SWAP70: variants seen among roughly 807,000 people sequenced by gnomAD.
The protein encoded by SWAP70 is switch-associated protein 70.
SWAP70 carries 34 observed loss-of-function variants against 80.2 expected under a neutral mutation model. That is an observed-to-expected ratio of 0.42 (90% CI 0.32 to 0.56). The LOEUF is 0.56. Among genes scored for constraint, SWAP70 ranks in the 20% least tolerant of loss-of-function variants. The probability of loss-of-function intolerance (pLI) is 0.09; values close to 1 mark genes in which losing one functional copy is unlikely to be tolerated. For synonymous variants in SWAP70, 239 were observed against 238.5 expected (o/e 1.00, Z -0.02); for missense variants, 578 against 690.7 (o/e 0.84, Z 1.83).
chr11:9,728,208 A>C lies in SWAP70; in HGVS notation c.789+9A>C. 1 of 1,587,142 alleles carries C rather than the reference A, an allele frequency of 6.3e-7. No homozygotes were observed. The highest frequency in any genetic ancestry group is 8.5e-7 in the Non-Finnish European group (1 of 1,170,400). On this transcript the variant is annotated intron_variant, in intron 5 of 11. Coordinates refer to ENST00000318950, the MANE Select transcript of SWAP70 (RefSeq NM_015055.4). Reference sequence around the variant, plus strand: ...AAAATTGCTGTGTAGAGGTGAGTCTACTCTTACTTCTTTGCATGATTACCC... The same window carrying C: ...AAAATTGCTGTGTAGAGGTGAGTCTCCTCTTACTTCTTTGCATGATTACCC...
chr11:9,690,313 C>T (rs953113619), intron 1 of SWAP70, among the ~76,000 whole-genome samples: 5 of 152,054 alleles, frequency 3.3e-5, no homozygotes, highest in African/African-American at 9.7e-5. Flanking sequence ...AAGGTGTAGT[C>T]GTTCACGCCT....
chr11:9,715,676 T>A (rs888001860), intron 3 of SWAP70, among the ~76,000 whole-genome samples: 1 of 152,158 alleles, frequency 6.6e-6, no homozygotes, highest in Non-Finnish European at 1.5e-5. Flanking sequence ...AAACTCTCCT[T>A]TATAAAGCCA....
chr11:9,736,277 T>G (rs1001717075), intron 7 of SWAP70, among the ~76,000 whole-genome samples: 3 of 152,108 alleles, frequency 2.0e-5, no homozygotes, highest in African/African-American at 7.3e-5. Flanking sequence ...CTAAGTATGG[T>G]TTCCTTTAGT....
intron 1 of SWAP70, among the ~76,000 whole-genome samples, chr11:9,676,632 G>A: frequency 6.7e-6 from 1 of 149,470 alleles, no homozygotes; most frequent in South Asian, 2.1e-4. Flanking sequence ...GTTTGCCCAT[G>A]TTAAGTATAG....
Position 9,724,701 on chromosome 11 carries a change from G to T in SWAP70, c.458G>T (p.Gly153Val), listed in dbSNP as rs377411928. ...LKKLTEAMGGGWQQEQFEHYK... is the reference protein window; with the variant it reads ...LKKLTEAMGGVWQQEQFEHYK... Reference sequence around the variant, plus strand: ...AAGCTTACAGAAGCTATGGGAGGAGGTTGGCAGCAAGAACAATTTGAACAT... The same window carrying T: ...AAGCTTACAGAAGCTATGGGAGGAGTTTGGCAGCAAGAACAATTTGAACAT... The change falls in exon 4 of 12, where the codon GGT becomes GTT. Residue 153 changes from glycine to valine, a missense_variant. Coordinates refer to ENST00000318950, the MANE Select transcript of SWAP70 (RefSeq NM_015055.4). 6.2e-7 allele frequency: 1 copy of T among 1,613,962 alleles called. No homozygotes were observed. The highest frequency in any genetic ancestry group is 8.5e-7 in the Non-Finnish European group (1 of 1,179,990).
At chr11:9,688,365 A>C (rs974887871) in intron 1 of SWAP70, among the ~76,000 whole-genome samples, 1 of 152,164 alleles carries the variant, frequency 6.6e-6, no homozygotes, top group African/African-American at 2.4e-5. Context: ...AAGAAAGATC[A>C]TCTTGGTTTG....
chr11:9,678,533 C>T (rs1590012903), intron 1 of SWAP70, among the ~76,000 whole-genome samples: 1 of 123,040 alleles, frequency 8.1e-6, no homozygotes, highest in Admixed American at 8.3e-5. Context: ...AACACGTAAA[C>T]TCTGAGGTGC....
At position 9,664,160 on chromosome 11, in the gene SWAP70, G is replaced by A. The variant is rs1297431963; in HGVS notation, c.-20G>A. On this transcript the variant is annotated 5_prime_UTR_variant, in exon 1 of 12. Coordinates refer to ENST00000318950, the MANE Select transcript of SWAP70 (RefSeq NM_015055.4). ...GGCTGGCTGGGCAGGAGGGGTTGGC[G>A]GGGCAGCAGGGCCGCGGCCATGGGG... is the stretch of plus-strand genomic sequence containing the variant. 9 of 1,553,758 alleles carry A rather than the reference G, an allele frequency of 5.8e-6. No homozygotes were observed. In the South Asian group the frequency reaches 9.6e-5, roughly 17 times the overall value.
At position 9,751,409 on chromosome 11, in the gene SWAP70, C is replaced by T. The variant is rs1411457843; in HGVS notation, c.*1439C>T. On this transcript the variant is annotated 3_prime_UTR_variant, in exon 12 of 12. Coordinates refer to ENST00000318950, the MANE Select transcript of SWAP70 (RefSeq NM_015055.4). Reference sequence around the variant, plus strand: ...AAAAAGAACATTTATGAAATCAAGCCTTCTAACACTAGTTATAATTGAGAA... The same window carrying T: ...AAAAAGAACATTTATGAAATCAAGCTTTCTAACACTAGTTATAATTGAGAA... The T allele has an allele frequency of 6.6e-6, 1 of 152,178 alleles. No homozygotes were observed. 9.4% of individuals were successfully genotyped at this position (152,178 alleles called of 1,614,324 possible).
chr11:9,693,540 T>G (rs1447999907), intron 1 of SWAP70, among the ~76,000 whole-genome samples: 1 of 152,196 alleles, frequency 6.6e-6, no homozygotes, highest in Non-Finnish European at 1.5e-5. Flanking sequence ...TTTATATTCT[T>G]TTATACTCAT....
intron 9 of SWAP70, chr11:9,741,499 G>A (rs865866462): frequency 2.6e-5 from 4 of 152,098 alleles, no homozygotes; most frequent in Admixed American, 6.5e-5. Flanking sequence ...GCCATGTGAC[G>A]TCCAGAGTGA....
In SWAP70 at chr11:9,751,459, A is replaced by G. The variant is rs918946966; in HGVS notation, c.*1489A>G. ...AGCAACAGTAACTCCGTGGACAGCA[A>G]TCAAGCTTAAAATTGTAAATAAATA... On this transcript the variant is annotated 3_prime_UTR_variant, in exon 12 of 12. Transcript: ENST00000318950. 6.6e-6 allele frequency: 1 copy of G among 152,238 alleles called. No homozygotes were observed. Among genetic ancestry groups the G allele is most frequent in the Non-Finnish European group, 1.5e-5 (1 of 68,032 alleles). 9.4% of individuals were successfully genotyped at this position (152,238 alleles called of 1,614,324 possible). A position where few individuals can be genotyped will look rare whatever the true frequency, so the allele number is the denominator to read the frequency against.
chr11:9,726,207 T>C (rs1386093794), intron 4 of SWAP70, among the ~76,000 whole-genome samples: 1 of 152,246 alleles, frequency 6.6e-6, no homozygotes, highest in African/African-American at 2.4e-5. Flanking sequence ...AAGTTGCTTT[T>C]GTCTTATTTA....
intron 1 of SWAP70, among the ~76,000 whole-genome samples, chr11:9,675,782 T>C (rs1850492134): frequency 6.6e-6 from 1 of 152,052 alleles, no homozygotes; most frequent in Admixed American, 6.6e-5. Flanking sequence ...GTGCACCTTC[T>C]ACCGGGGAGC....
At chr11:9,671,904 A>G (rs1342504536) in intron 1 of SWAP70, among the ~76,000 whole-genome samples, 3 of 109,316 alleles carry the variant, frequency 2.7e-5, no homozygotes, top group African/African-American at 1.1e-4. Context: ...TTTAATTATT[A>G]AATATAATAA....
intron 1 of SWAP70, among the ~76,000 whole-genome samples, chr11:9,684,649 A>G (rs1850608908): frequency 6.6e-6 from 1 of 152,158 alleles, no homozygotes; most frequent in Admixed American, 6.6e-5. Flanking sequence ...TGGTGTTAAG[A>G]ACTAATGGAG....
chr11:9,689,057 A>G (rs1458012118), intron 1 of SWAP70, among the ~76,000 whole-genome samples: 1 of 152,222 alleles, frequency 6.6e-6, no homozygotes, highest in African/African-American at 2.4e-5. Flanking sequence ...GTCAGTTCAG[A>G]TAAGTCTTTT....
intron 2 of SWAP70, among the ~76,000 whole-genome samples, chr11:9,699,277 G>T (rs898244128): frequency 6.6e-6 from 1 of 151,974 alleles, no homozygotes; most frequent in Non-Finnish European, 1.5e-5. Context: ...CCACTGAATT[G>T]TATACTTTAA....
chr11:9,740,487 A>T (rs1851422327), intron 9 of SWAP70, 140 bp downstream of exon 9: 1 of 876,012 alleles, frequency 1.1e-6, no homozygotes, highest in Non-Finnish European at 1.9e-6. Flanking sequence ...TGTCCAGATT[A>T]GAAAGACTGT....
Sources: gnomAD v4.1 joint callset for allele counts (sites outside exome capture counted in the v4.1 genomes callset) on GRCh38, gnomAD v4.1.1 for gene constraint, MANE v1.5 for transcripts, NCBI Gene and HGNC (gene_info 2026-07-23, HGNC 2026-07-21) for gene names.